Variants in KALRN observed in about 807,000 individuals in gnomAD.
KALRN encodes the protein kalirin.
KALRN carries 70 observed loss-of-function variants against 353.7 expected under a neutral mutation model. That is an observed-to-expected ratio of 0.20 (90% confidence interval 0.16 to 0.24). The LOEUF (loss-of-function observed/expected upper bound fraction) is 0.24. Among genes scored for constraint, KALRN ranks in the 10% least tolerant of loss-of-function variants. The probability of loss-of-function intolerance (pLI) is 1.00; values close to 1 mark genes in which losing one functional copy is unlikely to be tolerated. For missense variants in KALRN, 2,791 were observed against 3,756.7 expected (o/e 0.74, Z 6.72); for synonymous variants, 1,391 against 1,434.8 (o/e 0.97, Z 0.69).
chr3:124,185,102 A>T (rs1011490932), intron 1 of KALRN, among the ~76,000 whole-genome samples: 1 of 152,100 alleles, frequency 6.6e-6, no homozygotes, highest in East Asian at 1.9e-4. Context: ...TGCAACCTCC[A>T]CTTCCTGGGC....
In KALRN at chr3:124,240,781, G is replaced by T. The variant is rs991291163; in HGVS notation, c.263+5838G>T. 2.0e-5 allele frequency among the ~76,000 whole-genome samples: 3 copies of T among 152,090 alleles called. No homozygotes were observed. The South Asian group carries it at 6.2e-4, about 32-fold the overall frequency. On this transcript the variant is annotated intron_variant, in intron 3 of 59. Coordinates refer to ENST00000682506, the MANE Select transcript of KALRN (RefSeq NM_001388419.1). ...GATATTTGGCACAGAGGGAGACTTTGGGCATGCTAGTCACCATTTCTAAGT... is the reference window on the plus strand; with the variant it reads ...GATATTTGGCACAGAGGGAGACTTTTGGCATGCTAGTCACCATTTCTAAGT...
At chr3:124,442,120 C>A in intron 19 of KALRN, 61 bp downstream of exon 19, 1 of 944,966 alleles carries the variant, frequency 1.1e-6, no homozygotes, top group Non-Finnish European at 1.6e-6. Flanking sequence ...CTGAAATATA[C>A]CATGTACCCA....
chr3:124,533,619 C>T (rs772167073), intron 33 of KALRN, among the ~76,000 whole-genome samples: 110 of 151,880 alleles, frequency 7.2e-4, no homozygotes, highest in Non-Finnish European at 1.0e-3. Context: ...CACTCCAGCC[C>T]GGGTGATGGG....
chr3:124,098,242 A>G (rs1336484416), intron 1 of KALRN, among the ~76,000 whole-genome samples: 2 of 152,150 alleles, frequency 1.3e-5, no homozygotes, highest in Non-Finnish European at 2.9e-5. Flanking sequence ...ATGTTTCTTG[A>G]GCTTCTCTTG....
At position 124,506,699 on chromosome 3, in the gene KALRN, A is replaced by AT. The variant is rs572846950; in HGVS notation, c.4935+10294dup. ...GGTGCTGGAGGAAAACCCAGGCTCT[A>AT]TTTTTTTTACTACATCTGTACCCTC... On this transcript the variant is annotated intron_variant, in intron 33 of 59. Transcript: ENST00000682506. 5.9e-4 allele frequency among the ~76,000 whole-genome samples: 89 copies of AT among 151,966 alleles called. No homozygotes were observed. In the South Asian group the frequency reaches 7.9e-3, roughly 14 times the overall value.
At chr3:124,191,268 T>G (rs1413802862) in intron 1 of KALRN, among the ~76,000 whole-genome samples, 2 of 151,854 alleles carry the variant, frequency 1.3e-5, no homozygotes. Flanking sequence ...ACTAAATCAC[T>G]GGTTATTGAT....
intron 33 of KALRN, among the ~76,000 whole-genome samples, chr3:124,549,773 C>T (rs992676696): frequency 6.6e-6 from 1 of 151,906 alleles, no homozygotes; most frequent in African/African-American, 2.4e-5. Flanking sequence ...TTGTACTTGA[C>T]CTCCAAAAGC....
At chr3:124,309,276 T>C (rs539697044) in intron 6 of KALRN, among the ~76,000 whole-genome samples, 4 of 151,024 alleles carry the variant, frequency 2.6e-5, no homozygotes, top group Admixed American at 6.6e-5. Flanking sequence ...TGAGGGAACA[T>C]GTCCCAGCTT....
intron 1 of KALRN, among the ~76,000 whole-genome samples, chr3:124,209,739 G>A (rs2076743326): frequency 6.6e-6 from 1 of 152,200 alleles, no homozygotes; most frequent in Non-Finnish European, 1.5e-5. Context: ...TTGATCTCAT[G>A]ACCTAGCAAA....
At chr3:124,588,265 T>C (rs1034212774) in intron 34 of KALRN, among the ~76,000 whole-genome samples, 18 of 152,194 alleles carry the variant, frequency 1.2e-4, no homozygotes, top group African/African-American at 4.3e-4. Context: ...AGTTTTGGGA[T>C]AGCTTTGACT....
intron 27 of KALRN, among the ~76,000 whole-genome samples, 183 bp from the exon 28 acceptor site, chr3:124,482,625 A>G (rs1052240032): frequency 6.6e-6 from 1 of 151,300 alleles, no homozygotes. Context: ...TTTTCTCTAT[A>G]TGCATCTTGG....
At chr3:124,100,706 A>G (rs1177520867) in intron 1 of KALRN, among the ~76,000 whole-genome samples, 2 of 152,246 alleles carry the variant, frequency 1.3e-5, no homozygotes, top group Non-Finnish European at 2.9e-5. Flanking sequence ...TAGCTACCAC[A>G]AAGTGTTTTG....
At chr3:124,519,900 C>A (rs2067017638) in intron 33 of KALRN, 26 of 984,280 alleles carry the variant, frequency 2.6e-5, no homozygotes, top group Non-Finnish European at 3.1e-5. Flanking sequence ...AGTGCTGAGG[C>A]CCTTAATTCT....
At chr3:124,126,625 TAC>T (rs1451649435) in intron 1 of KALRN, among the ~76,000 whole-genome samples, 1 of 152,232 alleles carries the variant, frequency 6.6e-6, no homozygotes, top group African/African-American at 2.4e-5. Flanking sequence ...TAAGAGAATT[TAC>T]ACAGTCACAA....
intron 34 of KALRN, among the ~76,000 whole-genome samples, chr3:124,597,343 A>C (rs1403592229): frequency 6.8e-6 from 1 of 147,890 alleles, no homozygotes; most frequent in Non-Finnish European, 1.5e-5. Context: ...AAAAGGGGAA[A>C]AAAAGAAAAG....
At chr3:124,352,701 A>G (rs2082959438) in intron 10 of KALRN, among the ~76,000 whole-genome samples, 1 of 151,354 alleles carries the variant, frequency 6.6e-6, no homozygotes, top group Non-Finnish European at 1.5e-5. Context: ...ATCAAACTTG[A>G]ACACACTTTA....
chr3:124,592,312 A>G (rs910723748), intron 34 of KALRN, among the ~76,000 whole-genome samples: 4,793 of 46,922 alleles, frequency 0.1, 76 homozygotes, highest in Non-Finnish European at 0.17. Flanking sequence ...AAAGAAACAA[A>G]AAAAAAAAAA....
At chr3:124,078,222 C>A (rs2060356982) in intron 1 of KALRN, among the ~76,000 whole-genome samples, 1 of 152,172 alleles carries the variant, frequency 6.6e-6, no homozygotes. Flanking sequence ...CTTGTCTTGA[C>A]TTCCTTACTC....
chr3:124,484,061 C>T (rs2062278391), intron 28 of KALRN, among the ~76,000 whole-genome samples: 1 of 152,196 alleles, frequency 6.6e-6, no homozygotes, highest in African/African-American at 2.4e-5. Flanking sequence ...GTTATAAGTA[C>T]ATTGTGTAAT....
Sources: allele counts gnomAD v4.1 joint callset (sites outside exome capture counted in the v4.1 genomes callset), GRCh38; gene constraint gnomAD v4.1.1; transcripts MANE v1.5; gene names NCBI Gene and HGNC (gene_info 2026-07-23, HGNC 2026-07-21).